Variants in MSH5 observed in about 807,000 individuals in gnomAD.
The protein encoded by MSH5 is mutS homolog 5, also known as mutS protein homolog 5.
Under a neutral mutation model 107.7 loss-of-function variants are expected in MSH5, and 78 were observed. The ratio of observed to expected loss-of-function variants is 0.72; its 90% CI spans 0.60 to 0.87. The LOEUF is 0.87. Ranked by LOEUF, MSH5 falls within the 40% of genes least tolerant of loss-of-function variation. The pLI is 0.00. For missense variants in MSH5, 889 were observed against 1,046.6 expected, an observed-to-expected ratio of 0.85 and a Z score of 2.08; for synonymous variants, 326 against 399.5, an observed-to-expected ratio of 0.82 and a Z score of 2.19.
chr6:31,753,270 G>A (rs1311405135), intron 10 of MSH5, 31 bp from the exon 11 acceptor site: 2 of 1,574,490 alleles, frequency 1.3e-6, no homozygotes, highest in Admixed American at 1.8e-5. Context: ...GATGTAACTT[G>A]TAGTACCCCC....
At chr6:31,754,483 C>T (rs1810263085) in intron 12 of MSH5, among the ~76,000 whole-genome samples, 1 of 151,954 alleles carries the variant, frequency 6.6e-6, no homozygotes. Flanking sequence ...TTCTACTTTC[C>T]CCTCTTGGAT....
At position 31,760,673 on chromosome 6, in the gene MSH5, TC is replaced by T; in HGVS notation, c.1813-16del. On this transcript the variant is annotated splice_polypyrimidine_tract_variant and intron_variant, in intron 19 of 24. Coordinates refer to ENST00000375750, the MANE Select transcript of MSH5 (RefSeq NM_172166.4). This position sits in a 1 kb window ranked among gnomAD's most constrained non-coding sequence, Gnocchi z 5.6. ...CCACGGCACCAGGCCCCAGGCCCTG[TC>T]TCCTTCCCTATTCAGGTAGGCTTGA... The T allele has an allele frequency of 6.2e-7, 1 of 1,612,796 alleles. No individual in the cohort carries two copies. Among genetic ancestry groups the T allele is most frequent in the Non-Finnish European group, 8.5e-7 (1 of 1,180,040 alleles).
Position 31,758,079 on chromosome 6 carries a change from G to T in MSH5, c.1015-86G>T. 6.5e-7 allele frequency: 1 copy of T among 1,536,802 alleles called. No individual in the cohort carries two copies. Among genetic ancestry groups the T allele is most frequent in the Non-Finnish European group, 8.9e-7 (1 of 1,118,318 alleles). The stretch of plus-strand genomic sequence containing the variant: ...CTTTGTTACTGTGATCTTCCCTACT[G>T]GTCTTTGTTCTTCTGAGTCTGTCCC... On this transcript the variant is annotated intron_variant, in intron 12 of 24. Transcript: ENST00000375750. This position sits in a 1 kb window ranked among gnomAD's most constrained non-coding sequence, Gnocchi z 5.1.
rs1264027925 is a variant in MSH5, at chr6:31,740,425, C to T, written c.-13-29C>T. The T allele has an allele frequency of 6.5e-7, 1 of 1,542,028 alleles. No individual in the cohort carries two copies. Among genetic ancestry groups the T allele is most frequent in the Non-Finnish European group, 8.7e-7 (1 of 1,143,220 alleles). On this transcript the variant is annotated intron_variant, in intron 1 of 24. Transcript: ENST00000375750. This position sits in a 1 kb window ranked among gnomAD's most constrained non-coding sequence, Gnocchi z 4.4. ...GGCCTCCTCTGTGAATCGTTGCTTC[C>T]GAACCGCCCTCACTTTTTGCATCCG...
intron 7 of MSH5, 44 bp downstream of exon 7, chr6:31,744,343 G>C: frequency 6.2e-7 from 1 of 1,612,846 alleles, no homozygotes; most frequent in Non-Finnish European, 8.5e-7. Flanking sequence ...TGTGGGATTG[G>C]GAGGCCTGAA....
At chr6:31,743,082 A>T (rs1204863366) in intron 4 of MSH5, 26 bp from the exon 5 acceptor site, 1 of 1,612,648 alleles carries the variant, frequency 6.2e-7, no homozygotes, top group Admixed American at 1.7e-5. Flanking sequence ...GTAAAGAATG[A>T]TAGCCTTTTC....
In MSH5 at chr6:31,761,383, A is replaced by C; in HGVS notation, c.2038-89A>C. On this transcript the variant is annotated intron_variant, in intron 21 of 24. Coordinates refer to ENST00000375750, the MANE Select transcript of MSH5 (RefSeq NM_172166.4). The surrounding 1 kb of genome is among the most constrained non-coding windows in gnomAD (Gnocchi z 5.3). ...AGGGCTGTGTGGGCAGAAAAGAAAT[A>C]GAACACGAGACAGGGAAAGGCAGTG... is the stretch of plus-strand genomic sequence containing the variant. The C allele has an allele frequency of 2.5e-6, 4 of 1,604,762 alleles. No individual in the cohort carries two copies. Among genetic ancestry groups the C allele is most frequent in the Non-Finnish European group, 3.4e-6 (4 of 1,174,598 alleles).
chr6:31,753,582 A>T lies in MSH5; in HGVS notation c.967A>T (p.Met323Leu). Residue 323 changes from methionine (M) to leucine (L), a missense_variant, in exon 12 of 25, where the codon ATG (methionine) becomes TTG (leucine). Transcript: ENST00000375750. ...IKNVPLILKR[M>L]KLSHTKVSDW... ...CTGACTGTAGCTGATTCTGAAACGC[A>T]TGAAGTTGTCCCACACCAAGGTCAG... 3.1e-6 allele frequency: 5 copies of T among 1,614,166 alleles called. No homozygotes were observed. The African/African-American group carries it at 5.3e-5, about 17-fold the overall frequency.
In MSH5 at chr6:31,758,612, T is replaced by C; in HGVS notation, c.1208T>C (p.Ile403Thr). The change falls in exon 14 of 25, where the codon ATT (isoleucine) becomes ACT (threonine). Residue 403 changes from isoleucine (I) to threonine (T), a missense_variant. This residue lies in a region of MSH5 where 518 missense variants were observed against 565.0 expected (regional missense o/e 0.92). Coordinates refer to ENST00000375750, the MANE Select transcript of MSH5 (RefSeq NM_172166.4). This position sits in a 1 kb window ranked among gnomAD's most constrained non-coding sequence, Gnocchi z 5.1. Reference sequence around the variant, plus strand: ...GTCCTCCCCAACATAGATCCTGAAATTGATGAGAGTGAGTGTTGGGTGTGG... The same window carrying C: ...GTCCTCCCCAACATAGATCCTGAAACTGATGAGAGTGAGTGTTGGGTGTGG... ...FTVLPNIDPEIDEKKRRLMGL... is the reference protein window; with the variant it reads ...FTVLPNIDPETDEKKRRLMGL... The C allele has an allele frequency of 1.2e-6, 2 of 1,613,932 alleles. No individual in the cohort carries two copies. Among genetic ancestry groups the C allele is most frequent in the Non-Finnish European group, 1.7e-6 (2 of 1,180,008 alleles).
In MSH5 at chr6:31,759,246, T is replaced by G; in HGVS notation, c.1407+69T>G. 6.9e-7 allele frequency: 1 copy of G among 1,457,850 alleles called. No individual in the cohort carries two copies. The highest frequency in any genetic ancestry group is 1.7e-4 in the Middle Eastern group (1 of 5,754). 90.3% of individuals were successfully genotyped at this position (1,457,850 alleles called of 1,614,324 possible). On this transcript the variant is annotated intron_variant, in intron 16 of 24. Transcript: ENST00000375750. The surrounding 1 kb of genome is among the most constrained non-coding windows in gnomAD (Gnocchi z 4.7). ...GTCAGCAGCTGAGGAAGAGCGTTAC[T>G]CTACAGCAGCACTGCCCAATATGGG...
At position 31,760,563 on chromosome 6, in the gene MSH5, T is replaced by C. The variant is rs1308853481; in HGVS notation, c.1813-127T>C. ...TCGGGGAGGAGAGACAGAGTCAGTG[T>C]GTCTGTTACCTATTTCTCCTGTTTC... On this transcript the variant is annotated intron_variant, in intron 19 of 24. Coordinates refer to ENST00000375750, the MANE Select transcript of MSH5 (RefSeq NM_172166.4). The surrounding 1 kb of genome is among the most constrained non-coding windows in gnomAD (Gnocchi z 5.6). 2 of 1,239,100 alleles carry C rather than the reference T, an allele frequency of 1.6e-6. No individual in the cohort carries two copies. Among genetic ancestry groups the C allele is most frequent in the Non-Finnish European group, 1.2e-6 (1 of 854,068 alleles). 76.8% of individuals were successfully genotyped at this position (1,239,100 alleles called of 1,614,324 possible). A position where few individuals can be genotyped will look rare whatever the true frequency, so the allele number is the denominator to read the frequency against.
intron 5 of MSH5, 22 bp downstream of exon 5, chr6:31,743,192 G>T (rs1428932370): frequency 1.9e-6 from 3 of 1,610,794 alleles, no homozygotes. Flanking sequence ...CTTTTGCTTT[G>T]CCTAACTCCC....
chr6:31,745,467 C>T (rs1002197613), intron 9 of MSH5, 148 bp downstream of exon 9: 1 of 618,344 alleles, frequency 1.6e-6, no homozygotes, highest in Non-Finnish European at 2.9e-6. Flanking sequence ...CCTATTTGTA[C>T]CCCCCGCCCC....
chr6:31,749,106 G>A (rs1402026517), intron 10 of MSH5, among the ~76,000 whole-genome samples: 1 of 151,790 alleles, frequency 6.6e-6, no homozygotes, highest in African/African-American at 2.4e-5. Context: ...AGTAGAGATG[G>A]GATTTCACCA....
At chr6:31,744,472 G>A in intron 7 of MSH5, 74 bp from the exon 8 acceptor site, 1 of 1,577,904 alleles carries the variant, frequency 6.3e-7, no homozygotes, top group Non-Finnish European at 8.7e-7. Context: ...ACAATATTCA[G>A]AGAGGGGGAC....
chr6:31,759,521 A>G lies in MSH5; in HGVS notation c.1495+9A>G. Reference sequence around the variant, plus strand: ...GCACTGCGAGATCCGGGGTGAGGAAAAGCCAGAGGTTATATGCATTGTAAG... The same window carrying G: ...GCACTGCGAGATCCGGGGTGAGGAAGAGCCAGAGGTTATATGCATTGTAAG... On this transcript the variant is annotated intron_variant, in intron 17 of 24. Coordinates refer to ENST00000375750, the MANE Select transcript of MSH5 (RefSeq NM_172166.4). The surrounding 1 kb of genome is among the most constrained non-coding windows in gnomAD (Gnocchi z 4.7). The G allele has an allele frequency of 6.2e-7, 1 of 1,612,244 alleles. No individual in the cohort carries two copies. Among genetic ancestry groups the G allele is most frequent in the South Asian group, 1.1e-5 (1 of 91,044 alleles).
chr6:31,743,780 A>G (rs1292765804), intron 5 of MSH5, 124 bp from the exon 6 acceptor site: 1 of 1,409,396 alleles, frequency 7.1e-7, no homozygotes. Context: ...CTAGCTTTCC[A>G]TTAACTGCCT....
Position 31,753,350 on chromosome 6 carries a change from C to G in MSH5, c.862C>G (p.Leu288Val). The part of the protein sequence containing the change: ...THDLGELSSR[L>V]DVIQFFLLPQ... ...TGACCTGGGGGAGCTCAGTTCTCGTCTGGACGTCATTCAGTTTTTTCTGCT... is the reference window on the plus strand; with the variant it reads ...TGACCTGGGGGAGCTCAGTTCTCGTGTGGACGTCATTCAGTTTTTTCTGCT... Residue 288 changes from leucine to valine, a missense_variant, in exon 11 of 25, where the codon CTG (leucine) becomes GTG (valine). Around this residue, in one of 3 missense-constraint regions of MSH5, gnomAD observed 518 missense variants for 565.0 expected, o/e 0.92. Coordinates refer to ENST00000375750, the MANE Select transcript of MSH5 (RefSeq NM_172166.4). 1 of 1,614,176 alleles carries G rather than the reference C, an allele frequency of 6.2e-7. No homozygotes were observed. The highest frequency in any genetic ancestry group is 8.5e-7 in the Non-Finnish European group (1 of 1,180,030).
intron 12 of MSH5, among the ~76,000 whole-genome samples, chr6:31,755,047 C>T (rs1313789699): frequency 1.3e-5 from 2 of 151,978 alleles, no homozygotes; most frequent in Admixed American, 1.3e-4. Context: ...CCACCTCACC[C>T]GGCCAATATT....
Sources: allele counts gnomAD v4.1 joint callset (sites outside exome capture counted in the v4.1 genomes callset), GRCh38; gene constraint gnomAD v4.1.1; regional missense constraint gnomAD v4.1.1; non-coding constraint Gnocchi (gnomAD v3.1); transcripts MANE v1.5; gene names NCBI Gene and HGNC (gene_info 2026-07-23, HGNC 2026-07-21).